ZNF280D: variants seen among roughly 807,000 people sequenced by gnomAD.
ZNF280D encodes zinc finger protein 280D.
ZNF280D carries 39 observed loss-of-function variants against 94.7 expected under a neutral mutation model. The observed-to-expected ratio is 0.41, with a 90% CI of 0.32 to 0.54. ZNF280D has a LOEUF of 0.54. ZNF280D is among the 20% of genes least tolerant of loss of function. The pLI, the probability that ZNF280D is intolerant of heterozygous loss-of-function variation, is 0.22. For missense variants in ZNF280D, 1,090 were observed against 1,149.3 expected (o/e 0.95, Z 0.75); for synonymous variants, 398 against 377.6 (o/e 1.05, Z -0.63).
At chr15:56,647,216 G>A (rs2052942299) in intron 19 of ZNF280D, among the ~76,000 whole-genome samples, 3 of 152,188 alleles carry the variant, frequency 2.0e-5, no homozygotes, top group Admixed American at 1.3e-4. Context: ...AATTAAAACA[G>A]TAACAGTGTC....
chr15:56,666,510 T>A lies in ZNF280D; in HGVS notation c.1879A>T (p.Ile627Phe), dbSNP rs1219872719. ...TCTTTTATTTCGGAACAACACTCAA[T>A]GCATTTGTGAATGCCCCGACGATAC... is the stretch of plus-strand genomic sequence containing the variant. Reference protein sequence around the residue: ...LRYRRGIHKCIECCSEIKDFA... With the variant: ...LRYRRGIHKCFECCSEIKDFA... The change falls in exon 16 of 22, where the codon ATT (isoleucine) becomes TTT (phenylalanine). Residue 627 changes from isoleucine (I) to phenylalanine (F), a missense_variant. This residue lies in a region of ZNF280D where 577 missense variants were observed against 568.8 expected (regional missense o/e 1.01). Transcript: ENST00000267807. 1 of 1,597,766 alleles carries A rather than the reference T, an allele frequency of 6.3e-7. No homozygotes were observed.
chr15:56,632,821 G>A (rs1432005784), intron 21 of ZNF280D, among the ~76,000 whole-genome samples: 1 of 151,704 alleles, frequency 6.6e-6, no homozygotes, highest in Non-Finnish European at 1.5e-5. Context: ...CTTATGTTTA[G>A]AATGTCTTTC....
At chr15:56,706,019 C>A (rs1217108041) in intron 3 of ZNF280D, among the ~76,000 whole-genome samples, 1 of 147,522 alleles carries the variant, frequency 6.8e-6, no homozygotes, top group Non-Finnish European at 1.5e-5. Context: ...TAACCCTCAC[C>A]ACCATAGAAT....
intron 16 of ZNF280D, among the ~76,000 whole-genome samples, chr15:56,663,301 G>A (rs1273209636): frequency 7.6e-6 from 1 of 130,950 alleles, no homozygotes; most frequent in Admixed American, 7.5e-5. Context: ...AAAAAAAAAG[G>A]AAAAAAGAAA....
chr15:56,717,263 A>T (rs902587071), intron 1 of ZNF280D, among the ~76,000 whole-genome samples: 1 of 152,196 alleles, frequency 6.6e-6, no homozygotes, highest in Non-Finnish European at 1.5e-5. Flanking sequence ...TGGCAAAAAT[A>T]ACAGATGTCC....
intron 1 of ZNF280D, among the ~76,000 whole-genome samples, chr15:56,715,434 T>G (rs78360845): frequency 6.6e-6 from 1 of 152,050 alleles, no homozygotes; most frequent in Non-Finnish European, 1.5e-5. Context: ...TGATTGAAGA[T>G]AGAGTTGTGG....
intron 19 of ZNF280D, among the ~76,000 whole-genome samples, chr15:56,649,778 A>G (rs12901887): frequency 0.4 from 60,062 of 151,774 alleles, 14,826 homozygotes; most frequent in Non-Finnish European, 0.55. Flanking sequence ...TATATCTTCA[A>G]TGGTCACAGG....
chr15:56,683,081 G>A (rs1467537060), intron 9 of ZNF280D, among the ~76,000 whole-genome samples: 1 of 152,052 alleles, frequency 6.6e-6, no homozygotes, highest in African/African-American at 2.4e-5. Context: ...ACCCATAATA[G>A]ATGATAAATT....
intron 1 of ZNF280D, among the ~76,000 whole-genome samples, chr15:56,718,315 A>T (rs1486873780): frequency 6.6e-6 from 1 of 151,960 alleles, no homozygotes; most frequent in Non-Finnish European, 1.5e-5. Context: ...TATATTCTTT[A>T]AAAAAAAGTA....
chr15:56,663,361 C>T (rs192326235), intron 16 of ZNF280D, among the ~76,000 whole-genome samples: 1 of 149,014 alleles, frequency 6.7e-6, no homozygotes, highest in East Asian at 2.0e-4. Context: ...AACCAACTTA[C>T]AGGGATGGAT....
intron 20 of ZNF280D, among the ~76,000 whole-genome samples, chr15:56,637,316 A>G (rs1462113281): frequency 1.3e-5 from 2 of 151,698 alleles, no homozygotes; most frequent in African/African-American, 4.8e-5. Context: ...AGGACTACAC[A>G]GTATGTGCTC....
chr15:56,686,067 G>A (rs375853531), intron 9 of ZNF280D, among the ~76,000 whole-genome samples: 20 of 152,128 alleles, frequency 1.3e-4, no homozygotes, highest in African/African-American at 4.6e-4. Context: ...TAGAATTTGG[G>A]CTAAAAGGCA....
chr15:56,683,303 T>C (rs1233749575), intron 9 of ZNF280D, among the ~76,000 whole-genome samples: 3 of 152,130 alleles, frequency 2.0e-5, no homozygotes, highest in Non-Finnish European at 4.4e-5. Context: ...CAAAGTATCC[T>C]TGCTTATCCA....
intron 21 of ZNF280D, among the ~76,000 whole-genome samples, chr15:56,633,172 C>T (rs1321602402): frequency 2.6e-5 from 4 of 152,030 alleles, no homozygotes; most frequent in Admixed American, 1.3e-4. Flanking sequence ...GACATTTAGA[C>T]GTATTCCCAA....
chr15:56,643,014 G>A lies in ZNF280D; in HGVS notation c.2214-17C>T, dbSNP rs1433944700. 1 of 1,448,290 alleles carries A rather than the reference G, an allele frequency of 6.9e-7. No homozygotes were observed. Among genetic ancestry groups the A allele is most frequent in the Non-Finnish European group, 9.2e-7 (1 of 1,090,550 alleles). The allele number at this position is 1,448,290 out of a possible 1,614,324, so 89.7% of individuals were successfully genotyped here. Reference sequence around the variant, plus strand: ...TTTTTTAATCTTGAAAACAAGATAAGTATTGAATATTTTATTTTATATGTA... The same window carrying A: ...TTTTTTAATCTTGAAAACAAGATAAATATTGAATATTTTATTTTATATGTA... On this transcript the variant is annotated splice_polypyrimidine_tract_variant and intron_variant, in intron 19 of 21. Transcript: ENST00000267807.
rs1393265111 is a variant in ZNF280D at position 56,666,712 on chromosome 15, T to C, written c.1820A>G (p.Lys607Arg). 6.2e-7 allele frequency: 1 copy of C among 1,610,322 alleles called. No homozygotes were observed. The highest frequency in any genetic ancestry group is 8.5e-7 in the Non-Finnish European group (1 of 1,179,120). Residue 607 changes from lysine to arginine, a missense_variant, in exon 15 of 22, where the codon AAA (lysine) becomes AGA (arginine). By Grantham distance (26) the Lys-to-Arg change is conservative. Coordinates refer to ENST00000267807, the MANE Select transcript of ZNF280D (RefSeq NM_017661.4). ...CCTCAATGCTGTATTGACTTTACTT[T>C]TTTTATTGCTACTAGCCAATGTGCT... is the stretch of plus-strand genomic sequence containing the variant. ...KQSTLASSNK[K>R]SKVNTALRNL...
At position 56,707,297 on chromosome 15, in the gene ZNF280D, G is replaced by C. The variant is rs551483991; in HGVS notation, c.-76C>G. 4.6e-5 allele frequency: 71 copies of C among 1,530,240 alleles called. No homozygotes were observed. The highest frequency in any genetic ancestry group is 5.8e-5 in the Non-Finnish European group (66 of 1,142,422). The allele number at this position is 1,530,240 out of a possible 1,614,324, so 94.8% of individuals were successfully genotyped here. A position where few individuals can be genotyped will look rare whatever the true frequency, so the allele number is the denominator to read the frequency against. On this transcript the variant is annotated 5_prime_UTR_variant, in exon 2 of 22. Coordinates refer to ENST00000267807, the MANE Select transcript of ZNF280D (RefSeq NM_017661.4). Reference sequence around the variant, plus strand: ...CCAGACAAGCCAGCAAGTTATTTCTGTTTTCCTTCCTATAAAATAAAGATA... The same window carrying C: ...CCAGACAAGCCAGCAAGTTATTTCTCTTTTCCTTCCTATAAAATAAAGATA...
Position 56,693,177 on chromosome 15 carries a change from C to CT in ZNF280D, c.419dup (p.Ser141ValfsTer7). ...TCAAGTCAAACAGTAACTCTGATGA[C>CT]TTATTAGACACAACTCGTGATGAGT... On this transcript the variant is annotated frameshift_variant, in exon 7 of 22. Coordinates refer to ENST00000267807, the MANE Select transcript of ZNF280D (RefSeq NM_017661.4). LOFTEE classifies it high-confidence loss of function. The CT allele has an allele frequency of 6.2e-7, 1 of 1,600,112 alleles. No homozygotes were observed. The highest frequency in any genetic ancestry group is 8.5e-7 in the Non-Finnish European group (1 of 1,174,066).
intron 6 of ZNF280D, chr15:56,700,718 T>C: frequency 6.9e-7 from 1 of 1,451,552 alleles, no homozygotes; most frequent in South Asian, 1.5e-5. Context: ...TTAGGCATAC[T>C]GCCTGTTATT....
Sources: allele counts gnomAD v4.1 joint callset (sites outside exome capture counted in the v4.1 genomes callset), GRCh38; gene constraint gnomAD v4.1.1; regional missense constraint gnomAD v4.1.1; transcripts MANE v1.5; gene names NCBI Gene and HGNC (gene_info 2026-07-23, HGNC 2026-07-21).